ELF1: variants seen among roughly 807,000 people sequenced by gnomAD.
ELF1 encodes the protein ETS-related transcription factor Elf-1.
ELF1 carries 24 observed loss-of-function variants against 59.9 expected under a neutral mutation model. That is an observed-to-expected ratio of 0.40 (90% CI 0.29 to 0.56). The LOEUF (loss-of-function observed/expected upper bound fraction) is 0.56. Ranked by LOEUF, ELF1 falls within the 20% of genes least tolerant of loss-of-function variation. The pLI, the probability that ELF1 is intolerant of heterozygous loss-of-function variation, is 0.44. For missense variants in ELF1, 627 were observed against 742.2 expected, an observed-to-expected ratio of 0.84 and a Z score of 1.80; for synonymous variants, 248 against 266.2, an observed-to-expected ratio of 0.93 and a Z score of 0.67.
At chr13:40,934,226 C>CT (rs1480270597) in intron 8 of ELF1, among the ~76,000 whole-genome samples, 198 bp from the exon 9 acceptor site, 1 of 152,072 alleles carries the variant, frequency 6.6e-6, no homozygotes, top group Non-Finnish European at 1.5e-5. Context: ...ACACAAAACT[C>CT]TCAGGCCATT....
chr13:40,953,079 C>T (rs905136227), intron 3 of ELF1, among the ~76,000 whole-genome samples: 1 of 151,018 alleles, frequency 6.6e-6, no homozygotes, highest in Non-Finnish European at 1.5e-5. Context: ...CAGATTCAAG[C>T]GATTCTCCTG....
chr13:40,958,467 G>A (rs1451775431), intron 3 of ELF1, among the ~76,000 whole-genome samples: 2 of 151,970 alleles, frequency 1.3e-5, no homozygotes, highest in African/African-American at 4.8e-5. Context: ...GCTAAGGCAG[G>A]AGGATCACTT....
intron 2 of ELF1, among the ~76,000 whole-genome samples, chr13:40,973,642 CTTT>C (rs59812708): frequency 7.0e-6 from 1 of 142,200 alleles, no homozygotes; most frequent in Admixed American, 7.0e-5. Context: ...TGCTAATTTC[CTTT>C]TTTTTTTTTT....
Position 40,958,984 on chromosome 13 carries a change from A to G in ELF1, c.105T>C (p.Ile35=), listed in dbSNP as rs761155699. 6.2e-7 allele frequency: 1 copy of G among 1,612,268 alleles called. No individual in the cohort carries two copies. Among genetic ancestry groups the G allele is most frequent in the Non-Finnish European group, 8.5e-7 (1 of 1,179,236 alleles). ...TATCAGCACCAGGAACATGTTCCAC[A>G]ATTACGGCAGGAAAAATAGCTGGAT... ...LGDPAIFPAV[I]VEHVPGADIL... The change falls in exon 3 of 9, where the codon ATT becomes ATC. Residue 35 remains isoleucine (I), a synonymous_variant. Coordinates refer to ENST00000239882, the MANE Select transcript of ELF1 (RefSeq NM_172373.4).
intron 1 of ELF1, among the ~76,000 whole-genome samples, chr13:41,004,399 A>G (rs1874631625): frequency 6.6e-6 from 1 of 152,148 alleles, no homozygotes; most frequent in Non-Finnish European, 1.5e-5. Flanking sequence ...TGACCCTAAA[A>G]GTTAAAATCA....
intron 1 of ELF1, among the ~76,000 whole-genome samples, chr13:41,046,414 G>C (rs1162966868): frequency 1.3e-5 from 2 of 152,162 alleles, no homozygotes; most frequent in Non-Finnish European, 1.5e-5. Context: ...TTTTTGCAGT[G>C]GCTGGTACCA....
chr13:40,985,742 C>T (rs1448738776), intron 1 of ELF1, among the ~76,000 whole-genome samples: 1 of 152,048 alleles, frequency 6.6e-6, no homozygotes, highest in Admixed American at 6.6e-5. Flanking sequence ...TATGGGCACT[C>T]GGATTAGAAA....
intron 3 of ELF1, among the ~76,000 whole-genome samples, chr13:40,955,410 G>C (rs1243870107): frequency 2.2e-5 from 3 of 137,366 alleles, no homozygotes; most frequent in Non-Finnish European, 4.8e-5. Context: ...CTGCCCATCC[G>C]GGAAGGAGGT....
intron 8 of ELF1, among the ~76,000 whole-genome samples, chr13:40,937,878 A>C (rs1409562286): frequency 1.3e-5 from 2 of 151,770 alleles, no homozygotes; most frequent in African/African-American, 4.8e-5. Context: ...GCAGTGATGC[A>C]ATCTTGGCTC....
At chr13:40,969,549 TAA>T (rs1422387493) in intron 2 of ELF1, among the ~76,000 whole-genome samples, 1 of 152,140 alleles carries the variant, frequency 6.6e-6, no homozygotes, top group African/African-American at 2.4e-5. Context: ...TAAGAGACAA[TAA>T]GTGTTCATTA....
chr13:40,995,595 C>T lies in ELF1; in HGVS notation c.-228-13313G>A, dbSNP rs545888980. 3.9e-4 allele frequency among the ~76,000 whole-genome samples: 58 copies of T among 149,002 alleles called. No individual in the cohort carries two copies. The South Asian group carries it at 0.011, about 29-fold the overall frequency. On this transcript the variant is annotated intron_variant, in intron 1 of 8. Transcript: ENST00000239882. ...TATAGTCAACCATCTTTGTCAAGGACAAAGGCAATACAATAAAGAAAAGAG... is the reference window on the plus strand; with the variant it reads ...TATAGTCAACCATCTTTGTCAAGGATAAAGGCAATACAATAAAGAAAAGAG...
chr13:40,934,459 G>C (rs950494192), intron 8 of ELF1, among the ~76,000 whole-genome samples: 1 of 96,216 alleles, frequency 1.0e-5, no homozygotes, highest in Admixed American at 1.6e-4. Flanking sequence ...TTTCACTCTT[G>C]TTGCTCAGGC....
At chr13:41,061,061 G>C in exon 1 of ELF1, 1 of 195,358 alleles carries the variant, frequency 5.1e-6, no homozygotes, top group South Asian at 7.8e-5. Flanking sequence ...TTGAGGCGAA[G>C]CCTAGCGACT....
intron 1 of ELF1, among the ~76,000 whole-genome samples, chr13:41,050,514 T>A (rs1877041761): frequency 6.6e-6 from 1 of 152,216 alleles, no homozygotes; most frequent in African/African-American, 2.4e-5. Context: ...TTATTTTGAG[T>A]ATATATCAAG....
intron 1 of ELF1, among the ~76,000 whole-genome samples, chr13:40,986,013 G>C (rs1185525942): frequency 2.4e-4 from 1 of 4,088 alleles, no homozygotes; most frequent in South Asian, 0.026. Context: ...ACATCTACCA[G>C]ATAATAAAAA....
Position 40,941,031 on chromosome 13 carries a change from G to C in ELF1, c.1146C>G (p.Leu382=). 6.2e-7 allele frequency: 1 copy of C among 1,614,214 alleles called. No homozygotes were observed. The highest frequency in any genetic ancestry group is 8.5e-7 in the Non-Finnish European group (1 of 1,180,046). ...QPTQSPYPTQ[L]FRTVHVVQPV... is the part of the protein sequence containing the mutation. ...GCTGTACTACATGAACAGTCCGGAA[G>C]AGCTGGGTAGGATATGGAGACTGCG... is the stretch of plus-strand genomic sequence containing the variant. The change falls in exon 8 of 9, where the codon CTC becomes CTG. Residue 382 remains leucine (L), a synonymous_variant. Coordinates refer to ENST00000239882, the MANE Select transcript of ELF1 (RefSeq NM_172373.4).
At chr13:40,958,709 T>C in intron 3 of ELF1, 127 bp downstream of exon 3, 1 of 1,283,500 alleles carries the variant, frequency 7.8e-7, no homozygotes, top group Non-Finnish European at 1.0e-6. Context: ...CATGTAGGGC[T>C]GTAGTTTCTG....
At chr13:40,943,989 G>C (rs1870351406) in intron 5 of ELF1, 64 bp from the exon 6 acceptor site, 1 of 1,506,590 alleles carries the variant, frequency 6.6e-7, no homozygotes, top group East Asian at 2.3e-5. Context: ...GGACAATTCA[G>C]CTATTTTGTC....
intron 1 of ELF1, among the ~76,000 whole-genome samples, chr13:41,046,231 T>G (rs1175915220): frequency 6.6e-6 from 1 of 152,240 alleles, no homozygotes; most frequent in African/African-American, 2.4e-5. Context: ...GTCTTGACTC[T>G]TTACCCAATT....
Sources: allele counts gnomAD v4.1 joint callset (sites outside exome capture counted in the v4.1 genomes callset), GRCh38; gene constraint gnomAD v4.1.1; transcripts MANE v1.5; gene names NCBI Gene and HGNC (gene_info 2026-07-23, HGNC 2026-07-21).